Variants in AKAP12 observed in about 807,000 individuals in gnomAD.
AKAP12 encodes the protein A-kinase anchor protein 12.
Under a neutral mutation model 79.9 loss-of-function variants are expected in AKAP12, and 32 were observed. The ratio of observed to expected loss-of-function variants is 0.40; its 90% CI spans 0.30 to 0.54. AKAP12 has a LOEUF of 0.54. Among genes scored for constraint, AKAP12 ranks in the 20% least tolerant of loss-of-function variants. The probability of loss-of-function intolerance (pLI) is 0.48; values close to 1 mark genes in which losing one functional copy is unlikely to be tolerated. For missense variants in AKAP12, 2,074 were observed against 2,177.0 expected, an observed-to-expected ratio of 0.95 and a Z score of 0.94; for synonymous variants, 808 against 857.0, an observed-to-expected ratio of 0.94 and a Z score of 1.00.
At position 151,349,450 on chromosome 6, in the gene AKAP12, C is replaced by T. The variant is rs146232694; in HGVS notation, c.1059C>T (p.Ser353=). Residue 353 remains serine, a synonymous_variant, in exon 4 of 5, where the codon TCC becomes TCT. Coordinates refer to ENST00000402676, the MANE Select transcript of AKAP12 (RefSeq NM_005100.4). ...TTGCCTCCGAGAAACTGACCGCCTC[C>T]GAGCAAGCCCACCCACAGGAGCCGG... is the stretch of plus-strand genomic sequence containing the variant. The part of the protein sequence containing the change: ...AEVASEKLTA[S]EQAHPQEPAE... The T allele has an allele frequency of 1.7e-4, 274 of 1,606,866 alleles. 1 individual carries two copies. The African/African-American group carries it at 2.9e-3, about 17-fold the overall frequency.
intron 3 of AKAP12, among the ~76,000 whole-genome samples, chr6:151,336,609 G>T (rs1012630957): frequency 6.6e-6 from 1 of 152,152 alleles, no homozygotes; most frequent in African/African-American, 2.4e-5. Context: ...GCCAGGCGCG[G>T]TGGCATGTGG....
At chr6:151,273,222 T>C (rs1776225900) in intron 2 of AKAP12, among the ~76,000 whole-genome samples, 1 of 152,236 alleles carries the variant, frequency 6.6e-6, no homozygotes, top group African/African-American at 2.4e-5. Flanking sequence ...TGGACATTCT[T>C]AGCAAGAATA....
intron 2 of AKAP12, among the ~76,000 whole-genome samples, chr6:151,301,044 C>T (rs1260210860): frequency 6.6e-6 from 1 of 152,156 alleles, no homozygotes; most frequent in African/African-American, 2.4e-5. Context: ...TACATTTCCT[C>T]CTTCTTTCTT....
At chr6:151,282,371 A>G (rs921098846) in intron 2 of AKAP12, among the ~76,000 whole-genome samples, 1 of 152,094 alleles carries the variant, frequency 6.6e-6, no homozygotes, top group African/African-American at 2.4e-5. Flanking sequence ...CGGCCTCCCA[A>G]AGTGCTGGGA....
intron 3 of AKAP12, chr6:151,325,615 C>CTGGGTGGGGGCG: frequency 4.1e-6 from 4 of 979,822 alleles, no homozygotes; most frequent in Non-Finnish European, 4.2e-6. Context: ...GTGTGGGTGG[C>CTGGGTGGGGGCG]TGGGTGGGGG....
chr6:151,350,008 AG>A lies in AKAP12; in HGVS notation c.1619del (p.Gly540GlufsTer44), dbSNP rs1230837536. On this transcript the variant is annotated frameshift_variant, in exon 4 of 5. Transcript: ENST00000402676. LOFTEE classifies it high-confidence loss of function. This position sits in a 1 kb window ranked among gnomAD's most constrained non-coding sequence, Gnocchi z 4.8. ...GKKQKGKRGG[G>X]DEESGEHTQV... Reference sequence around the variant, plus strand: ...AGAAACAGAAAGGGAAAAGAGGAGGAGGAGACGAGGAATCAGGGGAGCACAC... The same window carrying A: ...AGAAACAGAAAGGGAAAAGAGGAGGAGAGACGAGGAATCAGGGGAGCACAC... 1.2e-6 allele frequency: 2 copies of A among 1,614,106 alleles called. No homozygotes were observed. Among genetic ancestry groups the A allele is most frequent in the Admixed American group, 3.3e-5 (2 of 60,016 alleles).
At position 151,356,234 on chromosome 6, in the gene AKAP12, G is replaced by A. The variant is rs1010156373; in HGVS notation, c.*520G>A. The A allele has an allele frequency of 6.6e-6, 1 of 152,590 alleles. No individual in the cohort carries two copies. The highest frequency in any genetic ancestry group is 1.5e-5 in the Non-Finnish European group (1 of 68,036). The allele number at this position is 152,590 out of a possible 1,614,324, so 9.5% of individuals were successfully genotyped here. The stretch of plus-strand genomic sequence containing the variant: ...AGTTATATAACCCACGAAAAACAGA[G>A]CCTCCTAGATGTAACATTCCTGATC... On this transcript the variant is annotated 3_prime_UTR_variant, in exon 5 of 5. Transcript: ENST00000402676.
chr6:151,310,647 T>C (rs1339498752), intron 3 of AKAP12, among the ~76,000 whole-genome samples: 1 of 152,164 alleles, frequency 6.6e-6, no homozygotes, highest in Non-Finnish European at 1.5e-5. Flanking sequence ...GCAGATGATT[T>C]TTTTTTCCCC....
intron 2 of AKAP12, among the ~76,000 whole-genome samples, chr6:151,241,372 G>A (rs1796972490): frequency 6.6e-6 from 1 of 152,256 alleles, no homozygotes; most frequent in Non-Finnish European, 1.5e-5. Context: ...CAGAAGGAAT[G>A]ACAGGTTTCG....
In AKAP12 at chr6:151,326,030, G is replaced by A. The variant is rs968997831; in HGVS notation, c.319+20127G>A. 4.3e-6 allele frequency: 5 copies of A among 1,153,070 alleles called. No homozygotes were observed. In the African/African-American group the frequency reaches 6.2e-5, roughly 14 times the overall value. 71.4% of individuals were successfully genotyped at this position (1,153,070 alleles called of 1,614,324 possible). ...GTTATTGGCATTTATTTCTCTCCGT[G>A]TACTGAGTTTTTCTTCAGAAGAACA... On this transcript the variant is annotated intron_variant, in intron 3 of 4. Transcript: ENST00000402676.
chr6:151,356,856 C>G lies in AKAP12; in HGVS notation c.*1142C>G, dbSNP rs1180349137. On this transcript the variant is annotated 3_prime_UTR_variant, in exon 5 of 5. Transcript: ENST00000402676. ...AATTCTAAAGATAATGATTGATAAG[C>G]TAGAACTTTCTGATGTAGTCATTAC... 1 of 152,122 alleles carries G rather than the reference C, an allele frequency of 6.6e-6. No homozygotes were observed. Among genetic ancestry groups the G allele is most frequent in the Non-Finnish European group, 1.5e-5 (1 of 68,042 alleles). 9.4% of individuals were successfully genotyped at this position (152,122 alleles called of 1,614,324 possible).
chr6:151,348,680 T>TTCCTCC, intron 3 of AKAP12, 31 bp from the exon 4 acceptor site: 1 of 355,202 alleles, frequency 2.8e-6, no homozygotes. Context: ...TTTTCTCTTC[T>TTCCTCC]CCCCACCCCC....
intron 2 of AKAP12, among the ~76,000 whole-genome samples, chr6:151,267,494 G>A (rs902031167): frequency 6.6e-6 from 1 of 152,178 alleles, no homozygotes; most frequent in Non-Finnish European, 1.5e-5. Flanking sequence ...CAAAGCATCA[G>A]TAGACACATC....
chr6:151,330,109 G>GT (rs1244709647), intron 3 of AKAP12, among the ~76,000 whole-genome samples: 2 of 152,160 alleles, frequency 1.3e-5, no homozygotes, highest in Non-Finnish European at 2.9e-5. Context: ...GATCGCTTGA[G>GT]TCCAGGAGTT....
intron 3 of AKAP12, among the ~76,000 whole-genome samples, chr6:151,335,446 C>T (rs576148014): frequency 5.1e-4 from 77 of 151,438 alleles, no homozygotes; most frequent in African/African-American, 1.7e-3. Context: ...ACACTAAGAA[C>T]AGAGATTTTC....
chr6:151,348,353 C>A, intron 3 of AKAP12: 1 of 452,960 alleles, frequency 2.2e-6, no homozygotes, highest in Non-Finnish European at 4.4e-6. Flanking sequence ...AGTTAATTTT[C>A]TTGGGCTAGG....
At chr6:151,270,307 C>T (rs1294714902) in intron 2 of AKAP12, among the ~76,000 whole-genome samples, 2 of 152,240 alleles carry the variant, frequency 1.3e-5, no homozygotes, top group Non-Finnish European at 2.9e-5. Context: ...ATCTGCCCGC[C>T]TCGGCCTCCC....
intron 3 of AKAP12, among the ~76,000 whole-genome samples, chr6:151,340,267 T>G (rs898343139): frequency 1.3e-5 from 2 of 150,822 alleles, no homozygotes; most frequent in Admixed American, 6.6e-5. Context: ...CTGAATAGTA[T>G]TATGTTGTCT....
chr6:151,350,230 C>A lies in AKAP12; in HGVS notation c.1839C>A (p.Phe613Leu), dbSNP rs147345804. 548 of 1,613,838 alleles carry A rather than the reference C, an allele frequency of 3.4e-4. No individual in the cohort carries two copies. The African/African-American group carries it at 4.4e-3, about 13-fold the overall frequency. ...KREGVTPWASFKKMVTPKKRV... is the reference protein window; with the variant it reads ...KREGVTPWASLKKMVTPKKRV... ...AAGGTGTCACTCCCTGGGCATCATTCAAAAAGATGGTGACGCCCAAGAAGC... is the reference window on the plus strand; with the variant it reads ...AAGGTGTCACTCCCTGGGCATCATTAAAAAAGATGGTGACGCCCAAGAAGC... Residue 613 changes from phenylalanine (F) to leucine (L), a missense_variant, in exon 4 of 5, where the codon TTC becomes TTA. Coordinates refer to ENST00000402676, the MANE Select transcript of AKAP12 (RefSeq NM_005100.4). This position sits in a 1 kb window ranked among gnomAD's most constrained non-coding sequence, Gnocchi z 4.8.
Sources: gnomAD v4.1 joint callset for allele counts (sites outside exome capture counted in the v4.1 genomes callset) on GRCh38, gnomAD v4.1.1 for gene constraint, Gnocchi (gnomAD v3.1) non-coding constraint, MANE v1.5 for transcripts, NCBI Gene and HGNC (gene_info 2026-07-23, HGNC 2026-07-21) for gene names.